DLG2: variants seen among roughly 807,000 people sequenced by gnomAD.
The protein encoded by DLG2 is discs large MAGUK scaffold protein 2.
DLG2 carries 45 observed loss-of-function variants against 132.5 expected under a neutral mutation model. That is an observed-to-expected ratio of 0.34 (90% CI 0.27 to 0.44). DLG2 has a LOEUF of 0.44. Ranked by LOEUF, DLG2 falls within the 20% of genes least tolerant of loss-of-function variation. The pLI is 1.00. For missense variants in DLG2, 1,045 were observed against 1,196.9 expected, an observed-to-expected ratio of 0.87 and a Z score of 1.87; for synonymous variants, 424 against 419.6, an observed-to-expected ratio of 1.01 and a Z score of -0.13.
intron 3 of DLG2, among the ~76,000 whole-genome samples, chr11:85,339,808 C>T (rs568775279): frequency 1.6e-4 from 25 of 152,088 alleles, no homozygotes; most frequent in Admixed American, 3.3e-4. Context: ...AGCAAACAAC[C>T]GCATCAAAAA....
intron 19 of DLG2, among the ~76,000 whole-genome samples, chr11:83,560,484 T>C (rs1378945891): frequency 7.2e-6 from 1 of 138,950 alleles, no homozygotes; most frequent in Non-Finnish European, 1.5e-5. Flanking sequence ...GAGTCAAAGC[T>C]AGATTAAAGG....
At chr11:84,934,529 T>C (rs1473198164) in intron 6 of DLG2, among the ~76,000 whole-genome samples, 1 of 130,244 alleles carries the variant, frequency 7.7e-6, no homozygotes. Context: ...TGTTTTGTTT[T>C]TTTTTTTTTT....
intron 6 of DLG2, among the ~76,000 whole-genome samples, chr11:84,554,976 G>C (rs1434633108): frequency 6.6e-6 from 1 of 152,046 alleles, no homozygotes; most frequent in Non-Finnish European, 1.5e-5. Flanking sequence ...AAAGAGTGTG[G>C]TAGGTTCAAG....
chr11:85,125,656 A>C (rs1414114632), intron 5 of DLG2, among the ~76,000 whole-genome samples: 3 of 152,194 alleles, frequency 2.0e-5, no homozygotes, highest in African/African-American at 4.8e-5. Flanking sequence ...TGGATATTAG[A>C]GTCATAAAGA....
At chr11:84,056,142 G>A (rs2096494348) in intron 11 of DLG2, among the ~76,000 whole-genome samples, 1 of 151,878 alleles carries the variant, frequency 6.6e-6, no homozygotes, top group African/African-American at 2.4e-5. Context: ...GTACCATGGT[G>A]GTTTGCTGCA....
intron 6 of DLG2, among the ~76,000 whole-genome samples, chr11:84,956,692 G>A (rs2051723287): frequency 6.6e-6 from 1 of 152,104 alleles, no homozygotes; most frequent in Admixed American, 6.6e-5. Context: ...GTAACTCAGA[G>A]AATCACAAAA....
At chr11:85,543,072 G>A (rs1195957965) in intron 3 of DLG2, among the ~76,000 whole-genome samples, 1 of 151,930 alleles carries the variant, frequency 6.6e-6, no homozygotes, top group Non-Finnish European at 1.5e-5. Flanking sequence ...TGTGCCATGG[G>A]GGTTTGCTGC....
chr11:85,449,866 G>A (rs148619708), intron 3 of DLG2, among the ~76,000 whole-genome samples: 42 of 150,970 alleles, frequency 2.8e-4, no homozygotes, highest in African/African-American at 9.2e-4. Flanking sequence ...AGTGGGTCAC[G>A]CCTGTAATCC....
chr11:85,408,474 A>C (rs912013692), intron 3 of DLG2, among the ~76,000 whole-genome samples: 19 of 151,306 alleles, frequency 1.3e-4, no homozygotes, highest in Non-Finnish European at 2.4e-4. Flanking sequence ...TATACATGTG[A>C]CATGCTGGTG....
chr11:84,691,438 A>G (rs1467968654), intron 6 of DLG2, among the ~76,000 whole-genome samples: 1 of 151,856 alleles, frequency 6.6e-6, no homozygotes, highest in African/African-American at 2.4e-5. Flanking sequence ...AAATAAATGA[A>G]AAATCAGTAG....
intron 6 of DLG2, among the ~76,000 whole-genome samples, chr11:84,739,755 G>A (rs1239167990): frequency 1.3e-5 from 2 of 152,168 alleles, no homozygotes; most frequent in African/African-American, 4.8e-5. Flanking sequence ...GGTGAAGGAT[G>A]TAGCCATTTT....
At chr11:84,577,732 C>A (rs2099505439) in intron 6 of DLG2, among the ~76,000 whole-genome samples, 1 of 152,178 alleles carries the variant, frequency 6.6e-6, no homozygotes, top group East Asian at 1.9e-4. Flanking sequence ...AAGAAAAATC[C>A]ATTTTTTGAG....
intron 6 of DLG2, among the ~76,000 whole-genome samples, chr11:84,869,637 C>A (rs1005042586): frequency 2.6e-5 from 4 of 152,116 alleles, no homozygotes; most frequent in African/African-American, 7.2e-5. Flanking sequence ...AGGCTCCTGA[C>A]AAAATTGCCA....
intron 3 of DLG2, among the ~76,000 whole-genome samples, chr11:85,346,062 T>A (rs1278617692): frequency 6.6e-6 from 1 of 152,026 alleles, no homozygotes; most frequent in Non-Finnish European, 1.5e-5. Flanking sequence ...AAAGAACAGC[T>A]ACTCCATAGA....
At chr11:85,492,385 C>CA (rs1189863648) in intron 3 of DLG2, among the ~76,000 whole-genome samples, 4 of 152,034 alleles carry the variant, frequency 2.6e-5, no homozygotes, top group Admixed American at 2.6e-4. Context: ...TATATAACTA[C>CA]AAAAAACAAA....
At chr11:84,711,308 T>C (rs1198136139) in intron 6 of DLG2, among the ~76,000 whole-genome samples, 2 of 141,494 alleles carry the variant, frequency 1.4e-5, no homozygotes, top group African/African-American at 2.6e-5. Flanking sequence ...TATTCAGGGT[T>C]CTCCAAAGAA....
chr11:84,574,150 G>A (rs2099492909), intron 6 of DLG2, among the ~76,000 whole-genome samples: 1 of 152,090 alleles, frequency 6.6e-6, no homozygotes, highest in African/African-American at 2.4e-5. Context: ...TTCACTGGGT[G>A]AAACAGAGTA....
At chr11:84,481,551 T>C (rs1344130786) in intron 7 of DLG2, among the ~76,000 whole-genome samples, 2 of 152,196 alleles carry the variant, frequency 1.3e-5, no homozygotes, top group African/African-American at 4.8e-5. Context: ...CACATATAAT[T>C]ACCCAGTGGA....
At chr11:84,364,060 G>A (rs1172074339) in intron 7 of DLG2, among the ~76,000 whole-genome samples, 1 of 152,076 alleles carries the variant, frequency 6.6e-6, no homozygotes, top group East Asian at 1.9e-4. Context: ...GTCATTGGTA[G>A]CTTGATGGGG....
Sources: gnomAD v4.1 joint callset for allele counts (sites outside exome capture counted in the v4.1 genomes callset) on GRCh38, gnomAD v4.1.1 for gene constraint, MANE v1.5 for transcripts, NCBI Gene and HGNC (gene_info 2026-07-23, HGNC 2026-07-21) for gene names.